Variants in PIN4 observed in about 807,000 individuals in gnomAD.
PIN4 encodes the protein peptidyl-prolyl cis-trans isomerase NIMA-interacting 4.
A neutral mutation model predicts 8.3 loss-of-function variants in PIN4; 3 were observed. That is an observed-to-expected ratio of 0.36 (90% CI 0.16 to 0.93). The LOEUF (loss-of-function observed/expected upper bound fraction) is 0.93, where lower values mean the gene tolerates loss of function less well. PIN4 is among the 40% of genes least tolerant of loss of function. The pLI is 0.44. For missense variants in PIN4, 75 were observed against 100.6 expected, an observed-to-expected ratio of 0.75 and a Z score of 1.09; for synonymous variants, 18 against 32.5, an observed-to-expected ratio of 0.55 and a Z score of 1.52.
chrX:72,200,935 C>A (rs949540321), downstream of PIN4, among the ~76,000 whole-genome samples: 1 of 112,136 alleles, frequency 8.9e-6, no homozygotes, highest in Non-Finnish European at 1.9e-5. Context: ...TGCGGTGGCT[C>A]ACACCTGTAA....
intron 3 of PIN4, among the ~76,000 whole-genome samples, chrX:72,216,418 T>A (rs1395340589): frequency 1.8e-5 from 2 of 112,090 alleles, no homozygotes; most frequent in African/African-American, 3.2e-5. Context: ...CTAGGTTTTT[T>A]AAAAAAATGT....
chrX:72,229,022 C>T (rs920388761), intron 3 of PIN4, among the ~76,000 whole-genome samples: 2 of 111,183 alleles, frequency 1.8e-5, no homozygotes, highest in African/African-American at 6.6e-5. Flanking sequence ...ACACCCTGGT[C>T]GGCAATTATC....
At chrX:72,246,007 A>T (rs960178423) in intron 3 of PIN4, among the ~76,000 whole-genome samples, 2 of 111,624 alleles carry the variant, frequency 1.8e-5, no homozygotes, top group Admixed American at 9.5e-5. Context: ...TCAAGGCCTC[A>T]CAATTCTGTC....
At chrX:72,250,092 A>G (rs1167353309) in intron 3 of PIN4, among the ~76,000 whole-genome samples, 2 of 108,497 alleles carry the variant, frequency 1.8e-5, no homozygotes, top group Non-Finnish European at 3.8e-5. Flanking sequence ...TGTTCTGGAG[A>G]CTTTTCAGAG....
In PIN4 at chrX:72,243,086, C is replaced by A. The variant is rs770809436; in HGVS notation, c.313-19621C>A. Among the ~76,000 whole-genome samples, 13 of 110,058 alleles carry A rather than the reference C, an allele frequency of 1.2e-4. No homozygotes were observed. The Admixed American group carries it at 1.3e-3, about 11-fold the overall frequency. On this transcript the variant is annotated intron_variant, in intron 3 of 3. Coordinates refer to the PIN4 transcript ENST00000423432. The stretch of plus-strand genomic sequence containing the variant: ...GTGGCTTACATCTGTAATGCCAGCA[C>A]TTTGGGAGGTCGAGGTGGGTGGAGT...
chrX:72,252,787 C>T (rs1264025842), intron 3 of PIN4, among the ~76,000 whole-genome samples: 1 of 112,002 alleles, frequency 8.9e-6, no homozygotes, highest in Non-Finnish European at 1.9e-5. Context: ...TAATACCATC[C>T]CGTTTTGGGT....
At chrX:72,210,249 A>G (rs1198616304) in intron 3 of PIN4, among the ~76,000 whole-genome samples, 1 of 109,686 alleles carries the variant, frequency 9.1e-6, no homozygotes, top group Non-Finnish European at 1.9e-5. Context: ...AAATAAATGG[A>G]AAAAAGATAT....
chrX:72,259,205 G>T (rs1282732712), intron 3 of PIN4, among the ~76,000 whole-genome samples: 1 of 104,703 alleles, frequency 9.6e-6, no homozygotes, highest in Non-Finnish European at 1.9e-5. Flanking sequence ...ACACTCAATA[G>T]AGTTTACTAC....
At position 72,234,673 on chromosome X, in the gene PIN4, G is replaced by A. The variant is rs767010308; in HGVS notation, c.313-28034G>A. ...AGGGATGAGATCTTTTGCACAAATG[G>A]AGGGGTTGTGCCTTAGCTAGAAGCA... is the stretch of plus-strand genomic sequence containing the variant. On this transcript the variant is annotated intron_variant, in intron 3 of 3. Coordinates refer to the PIN4 transcript ENST00000423432. 1.1e-4 allele frequency among the ~76,000 whole-genome samples: 12 copies of A among 111,302 alleles called. 1 individual carries two copies. The East Asian group carries it at 3.4e-3, about 31-fold the overall frequency.
intron 3 of PIN4, among the ~76,000 whole-genome samples, chrX:72,254,897 C>A (rs751166370): frequency 2.7e-5 from 3 of 111,600 alleles, no homozygotes; most frequent in East Asian, 5.6e-4. Context: ...ATTTAATCAG[C>A]GGCTCTGCCC....
intron 3 of PIN4, among the ~76,000 whole-genome samples, chrX:72,226,239 A>C (rs1247553631): frequency 1.8e-5 from 2 of 111,081 alleles, no homozygotes; most frequent in African/African-American, 6.6e-5. Context: ...CCTTACTTCC[A>C]CTCACATAAA....
Position 72,259,905 on chromosome X carries a change from TC to T in PIN4, c.313-2801del, listed in dbSNP as rs1400648617. ...GCCACCATACCTGGCTAATTTTTTT[TC>T]TTTTTTTTTTTTAGTATAGACGGGG... On this transcript the variant is annotated intron_variant, in intron 3 of 3. Transcript: ENST00000423432. Among the ~76,000 whole-genome samples the T allele has an allele frequency of 1.9e-3, 195 of 103,727 alleles. 1 individual carries two copies. Among genetic ancestry groups the T allele is most frequent in the African/African-American group, 6.4e-3 (184 of 28,699 alleles). 90.1% of individuals were successfully genotyped at this position (103,727 alleles called of 115,157 possible). A position where few individuals can be genotyped will look rare whatever the true frequency, so the allele number is the denominator to read the frequency against.
rs201379679 is a variant in PIN4 at position 72,258,131 on chromosome X, CTG to C, written c.313-4573_313-4572del. On this transcript the variant is annotated intron_variant, in intron 3 of 3. Coordinates refer to the PIN4 transcript ENST00000423432. ...GCTGCAGGAGGACAGGGTGTGGAGA[CTG>C]TGGACTGTGTGATGGAAAGGAAGTC... 7.0e-3 allele frequency among the ~76,000 whole-genome samples: 774 copies of C among 111,150 alleles called. 26 individuals carry two copies. In the East Asian group the frequency reaches 0.16, roughly 22 times the overall value.
Position 72,239,077 on chromosome X carries a change from G to A in PIN4, c.313-23630G>A, listed in dbSNP as rs978301978. 35 of 494,299 alleles carry A rather than the reference G, an allele frequency of 7.1e-5. No individual in the cohort carries two copies. In the Admixed American group the frequency reaches 1.0e-3, roughly 14 times the overall value. 40.7% of individuals were successfully genotyped at this position (494,299 alleles called of 1,213,427 possible). On this transcript the variant is annotated intron_variant, in intron 3 of 3. Coordinates refer to the PIN4 transcript ENST00000423432. ...ACAGCCAACCGACGGCCTCGCGGCC[G>A]GCCAATCCGCGACCACGCGCTGCGA...
rs754582338 is a variant in PIN4 at position 72,197,253 on chromosome X, C to T, written c.238-115C>T. 109 of 624,579 alleles carry T rather than the reference C, an allele frequency of 1.7e-4. No homozygotes were observed. The South Asian group carries it at 3.2e-3, about 18-fold the overall frequency. The allele number at this position is 624,579 out of a possible 1,213,427, so 51.5% of individuals were successfully genotyped here. A position where few individuals can be genotyped will look rare whatever the true frequency, so the allele number is the denominator to read the frequency against. On this transcript the variant is annotated intron_variant, in intron 3 of 3. Coordinates refer to ENST00000373669, the MANE Select transcript of PIN4 (RefSeq NM_006223.4). The stretch of plus-strand genomic sequence containing the variant: ...CCTTATTGAGCCTATTCCTGTATTG[C>T]TCTTAGGAATATACCTCGTAACCTT...
intron 3 of PIN4, among the ~76,000 whole-genome samples, chrX:72,243,382 G>GT (rs1232430661): frequency 2.4e-3 from 249 of 104,117 alleles, no homozygotes; most frequent in Middle Eastern, 4.8e-3. Context: ...TGGTATTGCT[G>GT]TTTTTTTTTT....
intron 3 of PIN4, among the ~76,000 whole-genome samples, chrX:72,222,147 CT>C (rs1285405708): frequency 9.0e-6 from 1 of 111,164 alleles, no homozygotes; most frequent in East Asian, 2.8e-4. Flanking sequence ...CGGGAAGTGG[CT>C]GGGGTTGAAG....
At chrX:72,208,986 G>A (rs955194900) in intron 3 of PIN4, among the ~76,000 whole-genome samples, 1 of 111,706 alleles carries the variant, frequency 9.0e-6, no homozygotes, top group Non-Finnish European at 1.9e-5. Context: ...CCCATAAGAA[G>A]TATGAAGTGA....
At chrX:72,196,656 A>G (rs2042767560) in intron 2 of PIN4, 129 bp from the exon 3 acceptor site, 1 of 512,155 alleles carries the variant, frequency 2.0e-6, no homozygotes, top group South Asian at 4.7e-5. Context: ...GCAAACTTCC[A>G]GGATTTTTAC....
Sources: allele counts gnomAD v4.1 joint callset (sites outside exome capture counted in the v4.1 genomes callset), GRCh38; gene constraint gnomAD v4.1.1; transcripts MANE v1.5; gene names NCBI Gene and HGNC (gene_info 2026-07-23, HGNC 2026-07-21).